ASIC2: variants seen among roughly 807,000 people sequenced by gnomAD.
ASIC2 encodes acid sensing ion channel subunit 2.
ASIC2 carries 25 observed loss-of-function variants against 57.3 expected under a neutral mutation model. The observed-to-expected ratio is 0.44, with a 90% CI of 0.32 to 0.61. The LOEUF is 0.61. Ranked by LOEUF, ASIC2 falls within the 20% of genes least tolerant of loss-of-function variation. ASIC2 has a pLI of 0.06. For missense variants in ASIC2, 641 were observed against 738.1 expected (o/e 0.87, Z 1.52); for synonymous variants, 319 against 307.5 (o/e 1.04, Z -0.39).
intron 1 of ASIC2, among the ~76,000 whole-genome samples, chr17:33,177,987 C>CACAT: frequency 6.6e-6 from 1 of 152,164 alleles, no homozygotes; most frequent in East Asian, 1.9e-4. Context: ...AGTGTGCGTG[C>CACAT]ACATACATAC....
intron 3 of ASIC2, among the ~76,000 whole-genome samples, chr17:33,054,491 C>T (rs2141931936): frequency 6.6e-6 from 1 of 152,320 alleles, no homozygotes; most frequent in East Asian, 1.9e-4. Context: ...TTACCACTAA[C>T]ATTGTGCAGT....
At chr17:33,560,400 C>T (rs1453725529) in intron 1 of ASIC2, among the ~76,000 whole-genome samples, 3 of 152,116 alleles carry the variant, frequency 2.0e-5, no homozygotes, top group East Asian at 1.9e-4. Flanking sequence ...CCAAGGGAGG[C>T]CCCAAAGGAC....
At chr17:33,374,756 A>G (rs1054908417) in intron 1 of ASIC2, among the ~76,000 whole-genome samples, 7 of 152,164 alleles carry the variant, frequency 4.6e-5, no homozygotes, top group Non-Finnish European at 8.8e-5. Context: ...TCTTGCCTCA[A>G]TGTTTCCACT....
At chr17:33,130,156 A>G (rs2092339923) in intron 1 of ASIC2, among the ~76,000 whole-genome samples, 1 of 152,122 alleles carries the variant, frequency 6.6e-6, no homozygotes, top group African/African-American at 2.4e-5. Context: ...ACTGAGGTTA[A>G]TAGGGGTTCA....
chr17:33,349,531 C>T (rs1392183165), intron 1 of ASIC2, among the ~76,000 whole-genome samples: 2 of 152,194 alleles, frequency 1.3e-5, no homozygotes, highest in Non-Finnish European at 2.9e-5. Flanking sequence ...CTTACCTCCC[C>T]AAGAACTTTG....
intron 1 of ASIC2, among the ~76,000 whole-genome samples, chr17:33,575,507 A>G (rs1916590359): frequency 6.6e-6 from 1 of 152,218 alleles, no homozygotes. Flanking sequence ...AAGGTGAAGA[A>G]AGGAGCTCTG....
chr17:33,819,200 C>A (rs1912677545), intron 1 of ASIC2, among the ~76,000 whole-genome samples: 1 of 152,208 alleles, frequency 6.6e-6, no homozygotes, highest in African/African-American at 2.4e-5. Context: ...CAATGGGATT[C>A]TTTCACATCT....
At position 33,268,196 on chromosome 17, in the gene ASIC2, A is replaced by G. The variant is rs188913626; in HGVS notation, c.708+23212T>C. ...TTCAGTCTCATTTTCCAGCCTTTCT[A>G]TTGATTCTATGAGCAATCTGATGTC... On this transcript the variant is annotated intron_variant, in intron 1 of 9. Transcript: ENST00000225823. Among the ~76,000 whole-genome samples, 28 of 152,084 alleles carry G rather than the reference A, an allele frequency of 1.8e-4. 1 individual carries two copies. Among genetic ancestry groups the G allele is most frequent in the Admixed American group, 3.9e-4 (6 of 15,292 alleles).
intron 1 of ASIC2, among the ~76,000 whole-genome samples, chr17:33,865,296 G>A (rs1412479166): frequency 6.6e-6 from 1 of 152,124 alleles, no homozygotes; most frequent in Non-Finnish European, 1.5e-5. Flanking sequence ...ATTTCCATTG[G>A]GCGGATCAAC....
chr17:33,239,039 G>C (rs1465648538), intron 1 of ASIC2, among the ~76,000 whole-genome samples: 3 of 151,522 alleles, frequency 2.0e-5, no homozygotes, highest in Non-Finnish European at 4.4e-5. Context: ...AAAAGTCTTA[G>C]TCCCAGCACT....
chr17:33,760,165 A>ATAT (rs1491371437), intron 1 of ASIC2, among the ~76,000 whole-genome samples: 5 of 59,088 alleles, frequency 8.5e-5, no homozygotes, highest in African/African-American at 2.3e-4. Context: ...ATAATGACTC[A>ATAT]AAAAAAAATG....
chr17:33,555,811 G>A (rs959908500), intron 1 of ASIC2, among the ~76,000 whole-genome samples: 9 of 152,220 alleles, frequency 5.9e-5, no homozygotes, highest in African/African-American at 2.2e-4. Context: ...TGATTTCGGG[G>A]TTTGAGCCGG....
intron 1 of ASIC2, among the ~76,000 whole-genome samples, chr17:34,092,187 C>T (rs534989924): frequency 3.3e-5 from 5 of 152,214 alleles, no homozygotes; most frequent in South Asian, 2.1e-4. Flanking sequence ...CTTTTGGCTC[C>T]GGGGCCAGTG....
chr17:33,905,813 TTTTG>T (rs1915335004), intron 1 of ASIC2, among the ~76,000 whole-genome samples: 1 of 151,940 alleles, frequency 6.6e-6, no homozygotes, highest in African/African-American at 2.4e-5. Context: ...GAAGTTCTTT[TTTTG>T]TTTGTTTTTT....
chr17:33,334,862 T>C (rs1907454239), intron 1 of ASIC2, among the ~76,000 whole-genome samples: 2 of 152,316 alleles, frequency 1.3e-5, no homozygotes, highest in South Asian at 4.1e-4. Context: ...GATGGAGGAA[T>C]AACTAAGGCA....
intron 1 of ASIC2, among the ~76,000 whole-genome samples, chr17:33,342,638 A>C (rs1015902285): frequency 7.2e-5 from 11 of 152,056 alleles, no homozygotes; most frequent in African/African-American, 2.7e-4. Context: ...ATTAACTCTC[A>C]ATCCAGTCTG....
intron 1 of ASIC2, among the ~76,000 whole-genome samples, chr17:33,541,853 C>T (rs1038384085): frequency 1.3e-5 from 2 of 152,150 alleles, no homozygotes; most frequent in African/African-American, 4.8e-5. Flanking sequence ...TTTCCCAGGT[C>T]CTTTGCTTGG....
intron 1 of ASIC2, among the ~76,000 whole-genome samples, chr17:34,103,218 T>C (rs80056570): frequency 0.023 from 3,492 of 152,284 alleles, 150 homozygotes; most frequent in African/African-American, 0.079. Context: ...CTATCATGCC[T>C]CAACGTAGCC....
intron 3 of ASIC2, among the ~76,000 whole-genome samples, chr17:33,088,007 C>T (rs147339529): frequency 4.3e-4 from 66 of 152,310 alleles, no homozygotes; most frequent in African/African-American, 1.5e-3. Context: ...GCTCCTCCGT[C>T]ATGGTTCTCC....
Sources: allele counts gnomAD v4.1 joint callset (sites outside exome capture counted in the v4.1 genomes callset), GRCh38; gene constraint gnomAD v4.1.1; transcripts MANE v1.5; gene names NCBI Gene and HGNC (gene_info 2026-07-23, HGNC 2026-07-21).